DDC: variants seen among roughly 807,000 people sequenced by gnomAD.
DDC encodes the protein dopa decarboxylase, also known as aromatic-L-amino-acid decarboxylase.
DDC carries 43 observed loss-of-function variants against 60.0 expected under a neutral mutation model. That is an observed-to-expected ratio of 0.72 (90% CI 0.56 to 0.92). The LOEUF is 0.92. DDC is among the 40% of genes least tolerant of loss of function. The pLI, the probability that DDC is intolerant of heterozygous loss-of-function variation, is 0.00. For missense variants in DDC, 573 were observed against 620.2 expected (o/e 0.92, Z 0.81); for synonymous variants, 232 against 234.6 (o/e 0.99, Z 0.10).
chr7:50,559,088 G>A (rs1242570092), intron 1 of DDC, among the ~76,000 whole-genome samples: 1 of 152,244 alleles, frequency 6.6e-6, no homozygotes, highest in East Asian at 1.9e-4. Context: ...GGGCAGCAGT[G>A]TAAGCCCTTT....
At position 50,499,160 on chromosome 7, in the gene DDC, C is replaced by A; in HGVS notation, c.864G>T (p.Leu288=). 1.9e-6 allele frequency: 3 copies of A among 1,613,472 alleles called. No individual in the cohort carries two copies. Among genetic ancestry groups the A allele is most frequent in the South Asian group, 2.2e-5 (2 of 91,064 alleles). ...AFICPEFRHL[L]NGVEFADSFN... is the part of the protein sequence containing the mutation. ...AGGGTGCACCTACCTCCACTCCATT[C>A]AGAAGGTGCCGGAACTCAGGGCAGA... Residue 288 remains leucine, a synonymous_variant, in exon 8 of 15, where the codon CTG becomes CTT. Transcript: ENST00000444124.
intron 4 of DDC, among the ~76,000 whole-genome samples, chr7:50,532,578 T>C (rs2044251321): frequency 6.6e-6 from 1 of 152,166 alleles, no homozygotes; most frequent in Admixed American, 6.5e-5. Flanking sequence ...TCCTCATCCA[T>C]GAAAAAGATT....
At chr7:50,465,634 A>T (rs1356512857) in intron 13 of DDC, among the ~76,000 whole-genome samples, 1 of 152,214 alleles carries the variant, frequency 6.6e-6, no homozygotes, top group East Asian at 1.9e-4. Flanking sequence ...GGCCTCCCAA[A>T]ATGCTGGGAT....
chr7:50,501,433 GATCC>G (rs1366099982), intron 7 of DDC, among the ~76,000 whole-genome samples: 1 of 152,124 alleles, frequency 6.6e-6, no homozygotes, highest in Non-Finnish European at 1.5e-5. Context: ...CCAGACAACT[GATCC>G]ATCCAAGCAG....
chr7:50,487,428 T>C (rs2042909619), intron 9 of DDC, among the ~76,000 whole-genome samples: 1 of 152,122 alleles, frequency 6.6e-6, no homozygotes, highest in Non-Finnish European at 1.5e-5. Flanking sequence ...GAGGATGTGT[T>C]TTTTGCTTAA....
chr7:50,501,856 C>A (rs2043265692), intron 7 of DDC, among the ~76,000 whole-genome samples: 3 of 152,118 alleles, frequency 2.0e-5, no homozygotes, highest in African/African-American at 7.2e-5. Flanking sequence ...GGCATATCAT[C>A]TGAGGTCAGG....
intron 9 of DDC, among the ~76,000 whole-genome samples, chr7:50,482,619 A>G (rs961031016): frequency 5.3e-5 from 8 of 152,270 alleles, no homozygotes; most frequent in Middle Eastern, 3.4e-3. Flanking sequence ...TATAAATATT[A>G]TGCCAGGATA....
At chr7:50,546,023 C>T (rs2044797353) in intron 1 of DDC, among the ~76,000 whole-genome samples, 1 of 152,066 alleles carries the variant, frequency 6.6e-6, no homozygotes, top group Non-Finnish European at 1.5e-5. Flanking sequence ...GATCACATGA[C>T]CAGTAATTGC....
At chr7:50,536,352 C>T (rs766986679) in intron 4 of DDC, among the ~76,000 whole-genome samples, 6 of 152,200 alleles carry the variant, frequency 3.9e-5, no homozygotes, top group Non-Finnish European at 7.3e-5. Flanking sequence ...CCAAGCTGTG[C>T]CCAACCACCT....
chr7:50,537,598 G>A (rs539062917), intron 4 of DDC, among the ~76,000 whole-genome samples: 110 of 152,292 alleles, frequency 7.2e-4, no homozygotes, highest in Middle Eastern at 3.4e-3. Context: ...GTGAGATAGC[G>A]GCTGTGCTAC....
chr7:50,489,144 T>C (rs542968850), intron 9 of DDC, among the ~76,000 whole-genome samples: 11 of 152,200 alleles, frequency 7.2e-5, no homozygotes, highest in Non-Finnish European at 1.5e-4. Context: ...ATAGCTGGGA[T>C]TACAGACACG....
chr7:50,501,531 A>T (rs1009660305), intron 7 of DDC, among the ~76,000 whole-genome samples: 1 of 152,358 alleles, frequency 6.6e-6, no homozygotes, highest in African/African-American at 2.4e-5. Context: ...TTGGAAGAAA[A>T]CCATCTTCTG....
intron 1 of DDC, among the ~76,000 whole-genome samples, chr7:50,561,283 GA>G: frequency 6.6e-6 from 1 of 152,214 alleles, no homozygotes; most frequent in East Asian, 1.9e-4. Flanking sequence ...AGAGGCCAAG[GA>G]AAAAATGGGC....
intron 6 of DDC, among the ~76,000 whole-genome samples, chr7:50,517,038 A>T (rs2043752292): frequency 6.6e-6 from 1 of 152,144 alleles, no homozygotes; most frequent in Admixed American, 6.5e-5. Context: ...CTATTACAGA[A>T]GATAAAGAAA....
At chr7:50,561,801 C>T (rs569832858) in intron 1 of DDC, among the ~76,000 whole-genome samples, 30 of 152,130 alleles carry the variant, frequency 2.0e-4, no homozygotes, top group Non-Finnish European at 2.8e-4. Flanking sequence ...GAGTGGAGAA[C>T]AGGGTCCACT....
intron 12 of DDC, among the ~76,000 whole-genome samples, chr7:50,469,128 T>C (rs1207129459): frequency 9.8e-6 from 1 of 102,152 alleles, no homozygotes; most frequent in East Asian, 2.6e-4. Flanking sequence ...TTTTTTTTAG[T>C]AGAGACAAGG....
intron 6 of DDC, among the ~76,000 whole-genome samples, chr7:50,513,032 C>T (rs1033182631): frequency 6.6e-6 from 1 of 152,114 alleles, no homozygotes; most frequent in Non-Finnish European, 1.5e-5. Flanking sequence ...TGGAGGCTCA[C>T]ATTTGTGAAT....
chr7:50,513,250 C>T (rs2043633915), intron 6 of DDC, among the ~76,000 whole-genome samples: 4 of 152,162 alleles, frequency 2.6e-5, no homozygotes, highest in South Asian at 2.1e-4. Context: ...GAGAAGTTTC[C>T]GACTTTACCT....
At chr7:50,498,998 C>T in intron 8 of DDC, 150 bp downstream of exon 8, 1 of 696,426 alleles carries the variant, frequency 1.4e-6, no homozygotes, top group Admixed American at 2.0e-5. Flanking sequence ...GCTCTCAGCC[C>T]CTATTCTGAG....
Sources: gnomAD v4.1 joint callset for allele counts (sites outside exome capture counted in the v4.1 genomes callset) on GRCh38, gnomAD v4.1.1 for gene constraint, MANE v1.5 for transcripts, NCBI Gene and HGNC (gene_info 2026-07-23, HGNC 2026-07-21) for gene names.